The following OXNAD1 variants were observed in gnomAD, a reference collection of about 807,000 sequenced individuals.
The protein encoded by OXNAD1 is oxidoreductase NAD-binding domain-containing protein 1.
A neutral mutation model predicts 32.9 loss-of-function variants in OXNAD1; 34 were observed. The ratio of observed to expected loss-of-function variants is 1.03; its 90% CI spans 0.79 to 1.38. OXNAD1 has a LOEUF of 1.38. Among genes scored for constraint, OXNAD1 ranks in the 40% most tolerant of loss-of-function variants. The probability of loss-of-function intolerance (pLI) is 0.00; values close to 1 mark genes in which losing one functional copy is unlikely to be tolerated. For missense variants in OXNAD1, 407 were observed against 379.4 expected (o/e 1.07, Z -0.60); for synonymous variants, 134 against 135.2 (o/e 0.99, Z 0.06).
At chr3:16,295,210 G>A (rs897212439) in intron 6 of OXNAD1, among the ~76,000 whole-genome samples, 20 of 151,882 alleles carry the variant, frequency 1.3e-4, no homozygotes, top group African/African-American at 3.4e-4. Flanking sequence ...GTCACCAAAC[G>A]GTATTCAGTT....
In OXNAD1 at chr3:16,322,143, G is replaced by A. The variant is rs924773267; in HGVS notation, c.*31-14969G>A. ...CTGAAACTGACAGCGCTCTGCAGCCGATCCATCTTCCAGCTGGTGGCTGCC... is the reference window on the plus strand; with the variant it reads ...CTGAAACTGACAGCGCTCTGCAGCCAATCCATCTTCCAGCTGGTGGCTGCC... On this transcript the variant is annotated intron_variant, in intron 9 of 9. Transcript: ENST00000435829. The surrounding 1 kb of genome is among the most constrained non-coding windows in gnomAD (Gnocchi z 6.2). Among the ~76,000 whole-genome samples the A allele has an allele frequency of 1.3e-5, 2 of 152,224 alleles. No homozygotes were observed. Among genetic ancestry groups the A allele is most frequent in the African/African-American group, 2.4e-5 (1 of 41,452 alleles).
intron 2 of OXNAD1, 141 bp from the exon 3 acceptor site, chr3:16,270,804 C>A: frequency 8.2e-7 from 1 of 1,226,612 alleles, no homozygotes; most frequent in Non-Finnish European, 1.1e-6. Flanking sequence ...TGAAGTTAGG[C>A]TCTTGGCTGC....
chr3:16,295,065 C>T, intron 6 of OXNAD1, 68 bp downstream of exon 6: 1 of 1,485,934 alleles, frequency 6.7e-7, no homozygotes, highest in African/African-American at 1.4e-5. Flanking sequence ...TTGTGTTAAG[C>T]TCATTTGATT....
rs904997525 is a variant in OXNAD1 at position 16,335,337 on chromosome 3, A to G, written c.*31-1775A>G. ...ATGAACGAAAATGGGCTGAGTGGGA[A>G]GGAATCAGCCCTTGGACAATCCTGC... On this transcript the variant is annotated intron_variant, in intron 9 of 9. Coordinates refer to the OXNAD1 transcript ENST00000435829. The surrounding 1 kb of genome is among the most constrained non-coding windows in gnomAD (Gnocchi z 4.7). Among the ~76,000 whole-genome samples, 17 of 152,198 alleles carry G rather than the reference A, an allele frequency of 1.1e-4. No homozygotes were observed. The highest frequency in any genetic ancestry group is 4.1e-4 in the African/African-American group (17 of 41,464).
chr3:16,271,704 A>G lies in OXNAD1; in HGVS notation c.165A>G (p.Ala55=). The part of the protein sequence containing the change: ...KRKTDHMERT[A]SVLRREIVSA... ...AAACTGATCACATGGAGAGAACTGC[A>G]AGTGTCCTTCGACGGGAGGTTTGTA... Residue 55 remains alanine (A), a synonymous_variant, in exon 4 of 9, where the codon GCA becomes GCG. Coordinates refer to ENST00000285083, the MANE Select transcript of OXNAD1 (RefSeq NM_138381.5). This position sits in a 1 kb window ranked among gnomAD's most constrained non-coding sequence, Gnocchi z 4.6. 6.2e-7 allele frequency: 1 copy of G among 1,607,778 alleles called. No individual in the cohort carries two copies. The highest frequency in any genetic ancestry group is 8.5e-7 in the Non-Finnish European group (1 of 1,178,454).
In OXNAD1 at chr3:16,327,798, T is replaced by G. The variant is rs180761629; in HGVS notation, c.*31-9314T>G. On this transcript the variant is annotated intron_variant, in intron 9 of 9. Transcript: ENST00000435829. The surrounding 1 kb of genome is among the most constrained non-coding windows in gnomAD (Gnocchi z 4.2). ...CAAAACGAAAAAAACTTCAGCCCCC[T>G]GCTAGCACAGGGAGAGAGCCCTGAT... Among the ~76,000 whole-genome samples, 2 of 150,188 alleles carry G rather than the reference T, an allele frequency of 1.3e-5. No homozygotes were observed. Among genetic ancestry groups the G allele is most frequent in the African/African-American group, 4.9e-5 (2 of 40,930 alleles).
In OXNAD1 at chr3:16,317,024, T is replaced by C. The variant is rs756719577; in HGVS notation, c.*30+13432T>C. On this transcript the variant is annotated intron_variant, in intron 9 of 9. Coordinates refer to the OXNAD1 transcript ENST00000435829. This position sits in a 1 kb window ranked among gnomAD's most constrained non-coding sequence, Gnocchi z 4.3. ...AGGGGACAGCTGTTCTCCCTTGTCC[T>C]CTTGGACAGGGCCCTTCATCTCCTC... 18 of 1,613,690 alleles carry C rather than the reference T, an allele frequency of 1.1e-5. No homozygotes were observed. The South Asian group carries it at 1.9e-4, about 17-fold the overall frequency.
chr3:16,282,693 G>A (rs1233484093), intron 4 of OXNAD1, among the ~76,000 whole-genome samples: 1 of 152,080 alleles, frequency 6.6e-6, no homozygotes, highest in Non-Finnish European at 1.5e-5. Flanking sequence ...ACCTAGGTAG[G>A]GTTTTGGGGA....
rs187691716 is a variant in OXNAD1 at position 16,280,813 on chromosome 3, C to G, written c.184-5529C>G. On this transcript the variant is annotated intron_variant, in intron 4 of 8. Coordinates refer to ENST00000285083, the MANE Select transcript of OXNAD1 (RefSeq NM_138381.5). The surrounding 1 kb of genome is among the most constrained non-coding windows in gnomAD (Gnocchi z 4.5). ...GTGTGATGGAATTTCCTTTTAGATGCTGACTCTGCCTCAGCATTAAACATG... is the reference window on the plus strand; with the variant it reads ...GTGTGATGGAATTTCCTTTTAGATGGTGACTCTGCCTCAGCATTAAACATG... Among the ~76,000 whole-genome samples the G allele has an allele frequency of 2.0e-5, 3 of 152,292 alleles. No individual in the cohort carries two copies. In the East Asian group the frequency reaches 5.8e-4, roughly 29 times the overall value.
At chr3:16,325,545 C>T (rs1186021333) in intron 9 of OXNAD1, among the ~76,000 whole-genome samples, 2 of 152,202 alleles carry the variant, frequency 1.3e-5, no homozygotes, top group Non-Finnish European at 2.9e-5. Flanking sequence ...CAACATGACA[C>T]AGTGGGTAAG....
At chr3:16,276,484 T>C in intron 4 of OXNAD1, 1 of 180,292 alleles carries the variant, frequency 5.5e-6, no homozygotes. Context: ...ACATAGTAAC[T>C]GGTATTTACT....
At chr3:16,350,522 T>C (rs9873585), downstream of OXNAD1, among the ~76,000 whole-genome samples, 2,241 of 151,608 alleles carry the variant, frequency 0.015, 60 homozygotes, top group African/African-American at 0.05. Flanking sequence ...GAAAAGGCAC[T>C]CATCCATACA....
rs371061893 is a variant in OXNAD1, at chr3:16,295,025, T to A, written c.432+28T>A. On this transcript the variant is annotated intron_variant, in intron 6 of 8. Transcript: ENST00000285083. ...AAGCACACTGCCTGTTTAAACGCGATGATCTGGGTATCTCTGCCACCCACA... is the reference window on the plus strand; with the variant it reads ...AAGCACACTGCCTGTTTAAACGCGAAGATCTGGGTATCTCTGCCACCCACA... 4 of 1,583,730 alleles carry A rather than the reference T, an allele frequency of 2.5e-6. No individual in the cohort carries two copies. The African/African-American group carries it at 5.4e-5, about 22-fold the overall frequency.
chr3:16,270,691 A>G (rs1221443930), intron 2 of OXNAD1, among the ~76,000 whole-genome samples: 1 of 152,224 alleles, frequency 6.6e-6, no homozygotes, highest in Non-Finnish European at 1.5e-5. Context: ...AGAAAGTGAT[A>G]GAGAACATGA....
At chr3:16,326,065 T>G (rs947494320) in intron 9 of OXNAD1, among the ~76,000 whole-genome samples, 1 of 152,250 alleles carries the variant, frequency 6.6e-6, no homozygotes. Flanking sequence ...CTCAGTTTCC[T>G]CATCTGCAAA....
At chr3:16,307,887 A>G (rs2067677805), downstream of OXNAD1, among the ~76,000 whole-genome samples, 1 of 152,196 alleles carries the variant, frequency 6.6e-6, no homozygotes, top group Non-Finnish European at 1.5e-5. Flanking sequence ...CTAAATTGGT[A>G]CAGTACTATT....
In OXNAD1 at chr3:16,348,369, A is replaced by G. The variant is rs1187367715; in HGVS notation, c.*31-807A>G. Among the ~76,000 whole-genome samples, 3 of 152,088 alleles carry G rather than the reference A, an allele frequency of 2.0e-5. No homozygotes were observed. The highest frequency in any genetic ancestry group is 4.4e-5 in the Non-Finnish European group (3 of 68,024). ...CCAATATGTGTTCTAATTATAAAAAAAAATTAATAGATGTGCCTTCTCTTC... is the reference window on the plus strand; with the variant it reads ...CCAATATGTGTTCTAATTATAAAAAGAAATTAATAGATGTGCCTTCTCTTC... On this transcript the variant is annotated intron_variant, in intron 9 of 9. Transcript: ENST00000606098. This position sits in a 1 kb window ranked among gnomAD's most constrained non-coding sequence, Gnocchi z 6.3.
rs139847566 is a variant in OXNAD1, at chr3:16,294,996, C to T, written c.431C>T (p.Thr144Met). ...NHPPALWVHN[T>M]CTLDCEVAVR... is the part of the protein sequence containing the mutation. ...CCTCCTGCCCTCTGGGTTCACAATA[C>T]GGTAAGCACACTGCCTGTTTAAACG... The change falls in exon 6 of 9, where the codon ACG (threonine) becomes ATG (methionine). Residue 144 changes from threonine (T) to methionine (M), a missense_variant and splice_region_variant. By Grantham distance (81) the Thr-to-Met change is moderately conservative (BLOSUM62 -1). Coordinates refer to ENST00000285083, the MANE Select transcript of OXNAD1 (RefSeq NM_138381.5). 173 of 1,608,822 alleles carry T rather than the reference C, an allele frequency of 1.1e-4. No individual in the cohort carries two copies. In the African/African-American group the frequency reaches 1.5e-3, roughly 14 times the overall value.
downstream of OXNAD1, among the ~76,000 whole-genome samples, chr3:16,309,383 G>A (rs1255366282): frequency 6.6e-6 from 1 of 152,118 alleles, no homozygotes; most frequent in Non-Finnish European, 1.5e-5. Context: ...TTCTAACAGG[G>A]TATGAAAGTG....
Sources: gnomAD v4.1 joint callset for allele counts (sites outside exome capture counted in the v4.1 genomes callset) on GRCh38, gnomAD v4.1.1 for gene constraint, Gnocchi (gnomAD v3.1) non-coding constraint, MANE v1.5 for transcripts, NCBI Gene and HGNC (gene_info 2026-07-23, HGNC 2026-07-21) for gene names.